Variants in CRPPA observed in about 807,000 individuals in gnomAD.
The protein encoded by CRPPA is CDP-L-ribitol pyrophosphorylase A.
Under a neutral mutation model 52.0 loss-of-function variants are expected in CRPPA, and 43 were observed. That is an observed-to-expected ratio of 0.83 (90% CI 0.65 to 1.07). CRPPA has a LOEUF of 1.07. Among genes scored for constraint, CRPPA ranks in the 50% least tolerant of loss-of-function variants. The probability of loss-of-function intolerance (pLI) is 0.00; values close to 1 mark genes in which losing one functional copy is unlikely to be tolerated. For missense variants in CRPPA, 629 were observed against 551.7 expected, an observed-to-expected ratio of 1.14 and a Z score of -1.40; for synonymous variants, 250 against 203.5, an observed-to-expected ratio of 1.23 and a Z score of -1.94.
In CRPPA at chr7:16,265,018, T is replaced by G. The variant is rs561530330; in HGVS notation, c.934-6006A>C. ...TATATGAGGATTGGCTAAGCTAATA[T>G]GTGAAGGGTAAGAGTTAACTTTTCC... On this transcript the variant is annotated intron_variant, in intron 6 of 9. Transcript: ENST00000407010. Among the ~76,000 whole-genome samples, 5 of 152,334 alleles carry G rather than the reference T, an allele frequency of 3.3e-5. No homozygotes were observed. In the South Asian group the frequency reaches 8.3e-4, roughly 25 times the overall value.
At chr7:16,416,840 T>A (rs1387536831) in intron 1 of CRPPA, among the ~76,000 whole-genome samples, 2 of 151,314 alleles carry the variant, frequency 1.3e-5, no homozygotes, top group Non-Finnish European at 2.9e-5. Context: ...AGACCCTATC[T>A]CCAAAAAAAC....
In CRPPA at chr7:16,366,795, T is replaced by TA. The variant is rs55913250; in HGVS notation, c.684+9296dup. 5.8e-3 allele frequency among the ~76,000 whole-genome samples: 692 copies of TA among 119,388 alleles called. 3 individuals are homozygous for TA. Among genetic ancestry groups the TA allele is most frequent in the African/African-American group, 0.013 (443 of 33,036 alleles). The allele number at this position is 119,388 out of a possible 152,430, so 78.3% of individuals were successfully genotyped here. A position where few individuals can be genotyped will look rare whatever the true frequency, so the allele number is the denominator to read the frequency against. ...AAAAAAAAGGCAAGAGGGAGAAAAA[T>TA]AAAAAAAAAAAAACATGGGAAATAT... On this transcript the variant is annotated intron_variant, in intron 3 of 9. Transcript: ENST00000407010.
chr7:16,124,257 T>C (rs1782533617), intron 9 of CRPPA, among the ~76,000 whole-genome samples: 1 of 152,122 alleles, frequency 6.6e-6, no homozygotes. Flanking sequence ...TGGGATGAAA[T>C]AGCTCATTGT....
At chr7:16,236,801 T>C (rs1782963116) in intron 8 of CRPPA, among the ~76,000 whole-genome samples, 1 of 152,114 alleles carries the variant, frequency 6.6e-6, no homozygotes, top group South Asian at 2.1e-4. Context: ...ATACAGACAC[T>C]ATAGAAGGCT....
intron 3 of CRPPA, among the ~76,000 whole-genome samples, chr7:16,370,757 G>A (rs1479193194): frequency 6.6e-6 from 1 of 152,098 alleles, no homozygotes; most frequent in Admixed American, 6.5e-5. Context: ...TTTTGGAGAA[G>A]GGGTCCTTGT....
rs189790588 is a variant in CRPPA, at chr7:16,251,629, T to C, written c.1119+6761A>G. 2.5e-3 allele frequency among the ~76,000 whole-genome samples: 386 copies of C among 152,250 alleles called. 1 individual carries two copies. The highest frequency in any genetic ancestry group is 0.014 in the South Asian group (69 of 4,822). ...GAACAACCTACTCCTGAATGACTAC[T>C]GGGTAAATAACAAAATGAAGACAGA... On this transcript the variant is annotated intron_variant, in intron 8 of 9. Coordinates refer to ENST00000407010, the MANE Select transcript of CRPPA (RefSeq NM_001101426.4).
chr7:16,255,998 G>T (rs547986207), intron 8 of CRPPA, among the ~76,000 whole-genome samples: 1 of 152,162 alleles, frequency 6.6e-6, no homozygotes, highest in Non-Finnish European at 1.5e-5. Context: ...CCATCAGAGT[G>T]AACAGGCAAC....
intron 5 of CRPPA, among the ~76,000 whole-genome samples, chr7:16,294,878 T>A (rs1371477104): frequency 3.9e-5 from 6 of 152,020 alleles, no homozygotes; most frequent in African/African-American, 4.8e-5. Flanking sequence ...GATTTAAAGT[T>A]CCTCATCTTT....
intron 5 of CRPPA, among the ~76,000 whole-genome samples, chr7:16,295,022 A>T (rs1784643391): frequency 6.6e-6 from 1 of 152,138 alleles, no homozygotes; most frequent in African/African-American, 2.4e-5. Flanking sequence ...ACTCCAACAC[A>T]GTATTCCTAG....
chr7:16,284,349 C>T (rs1784379908), intron 5 of CRPPA, among the ~76,000 whole-genome samples: 1 of 152,020 alleles, frequency 6.6e-6, no homozygotes, highest in Non-Finnish European at 1.5e-5. Context: ...AAAGACTACA[C>T]TTGGAGATTT....
chr7:16,225,123 T>C (rs1782614174), intron 8 of CRPPA, among the ~76,000 whole-genome samples: 1 of 152,058 alleles, frequency 6.6e-6, no homozygotes, highest in African/African-American at 2.4e-5. Flanking sequence ...AAATGTTTCT[T>C]TTGATTCAAA....
chr7:16,377,979 G>C (rs1786943782), intron 2 of CRPPA, among the ~76,000 whole-genome samples: 1 of 152,068 alleles, frequency 6.6e-6, no homozygotes, highest in South Asian at 2.1e-4. Context: ...GGAAATAAAA[G>C]ACCAGAGTCT....
chr7:16,317,495 A>C (rs1785167795), intron 3 of CRPPA, among the ~76,000 whole-genome samples: 1 of 152,178 alleles, frequency 6.6e-6, no homozygotes. Flanking sequence ...TGCTCTGACA[A>C]TATGCATCAT....
At chr7:16,328,789 A>G (rs904147246) in intron 3 of CRPPA, among the ~76,000 whole-genome samples, 1 of 152,196 alleles carries the variant, frequency 6.6e-6, no homozygotes, top group Non-Finnish European at 1.5e-5. Flanking sequence ...TGCTGGGATT[A>G]CAAGCATGAG....
chr7:16,216,180 A>T lies in CRPPA; in HGVS notation c.1137T>A (p.Phe379Leu). 6.4e-7 allele frequency: 1 copy of T among 1,573,448 alleles called. No individual in the cohort carries two copies. Among genetic ancestry groups the T allele is most frequent in the Non-Finnish European group, 8.7e-7 (1 of 1,153,348 alleles). Residue 379 changes from phenylalanine (F) to leucine (L), a missense_variant, in exon 9 of 10, where the codon TTT becomes TTA. Physicochemically the swap from Phe to Leu is conservative, Grantham distance 22 (BLOSUM62 0). Coordinates refer to ENST00000407010, the MANE Select transcript of CRPPA (RefSeq NM_001101426.4). ...VVVVSVHFLD[F>L]KLVPPSQKME... ...TTTTCTGACTGGGAGGTACTAATTTAAAATCAAGAAAATGAACCTGCAAAA... is the reference window on the plus strand; with the variant it reads ...TTTTCTGACTGGGAGGTACTAATTTTAAATCAAGAAAATGAACCTGCAAAA...
intron 9 of CRPPA, among the ~76,000 whole-genome samples, chr7:16,150,268 A>G (rs60412407): frequency 0.038 from 5,787 of 152,280 alleles, 347 homozygotes; most frequent in East Asian, 0.3. Context: ...TTTTTCCTCA[A>G]TGTAAGAATA....
intron 9 of CRPPA, among the ~76,000 whole-genome samples, chr7:16,106,582 G>T (rs1446212896): frequency 6.6e-6 from 1 of 152,166 alleles, no homozygotes; most frequent in African/African-American, 2.4e-5. Context: ...ACCCGTCTGG[G>T]GTTGTTACCA....
intron 9 of CRPPA, among the ~76,000 whole-genome samples, chr7:16,163,479 T>C (rs987698780): frequency 2.0e-5 from 3 of 152,146 alleles, no homozygotes; most frequent in East Asian, 1.9e-4. Flanking sequence ...AATTTGCCAG[T>C]CTGTGTCTTT....
chr7:16,360,942 T>G (rs1269780841), intron 3 of CRPPA, among the ~76,000 whole-genome samples: 2 of 152,088 alleles, frequency 1.3e-5, no homozygotes, highest in Non-Finnish European at 2.9e-5. Flanking sequence ...ATCTCTGGAA[T>G]AGAAGAGAAT....
Sources: allele counts gnomAD v4.1 joint callset (sites outside exome capture counted in the v4.1 genomes callset), GRCh38; gene constraint gnomAD v4.1.1; transcripts MANE v1.5; gene names NCBI Gene and HGNC (gene_info 2026-07-23, HGNC 2026-07-21).